The following SCML4 variants were observed in gnomAD, a reference collection of about 807,000 sequenced individuals.
SCML4 encodes Scm polycomb group protein like 4, also known as sex comb on midleg-like protein 4.
In SCML4, 34 loss-of-function variants were observed where a neutral mutation model predicts 41.1. That is an observed-to-expected ratio of 0.83 (90% CI 0.63 to 1.10). The LOEUF (loss-of-function observed/expected upper bound fraction) is 1.10, where lower values mean the gene tolerates loss of function less well. SCML4 is among the 50% of genes least tolerant of loss of function. The pLI is 0.00. For missense variants in SCML4, 522 were observed against 534.1 expected (o/e 0.98, Z 0.22); for synonymous variants, 214 against 220.9 (o/e 0.97, Z 0.28).
At chr6:107,740,471 C>T (rs1248308107) in intron 5 of SCML4, among the ~76,000 whole-genome samples, 2 of 152,222 alleles carry the variant, frequency 1.3e-5, no homozygotes, top group Non-Finnish European at 2.9e-5. Context: ...AAAGATGGCC[C>T]TTGGCTGGCA....
the SCML4 span, among the ~76,000 whole-genome samples, chr6:107,832,813 C>T: frequency 1.3e-3 from 198 of 152,250 alleles, no homozygotes; most frequent in African/African-American, 4.2e-3. Context: ...TAGGGTGCTG[C>T]GCGCCGCACA....
chr6:107,720,558 T>A, intron 6 of SCML4, 145 bp downstream of exon 6: 4 of 1,422,458 alleles, frequency 2.8e-6, no homozygotes, highest in Non-Finnish European at 3.7e-6. Context: ...AACCTCAAGA[T>A]CCATGAAAGG....
At chr6:107,819,946 G>A (rs535178900) in intron 1 of SCML4, among the ~76,000 whole-genome samples, 2 of 152,216 alleles carry the variant, frequency 1.3e-5, no homozygotes, top group South Asian at 4.1e-4. Context: ...ATTCCTTTCT[G>A]TCCTAAAATA....
chr6:107,751,590 CTT>C (rs1562218652), intron 2 of SCML4, among the ~76,000 whole-genome samples: 1 of 128,526 alleles, frequency 7.8e-6, no homozygotes, highest in Non-Finnish European at 1.6e-5. Context: ...TTCTTTCTTT[CTT>C]TCTTTCTTTC....
chr6:107,764,890 G>T (rs764319978), intron 2 of SCML4, among the ~76,000 whole-genome samples: 1 of 151,978 alleles, frequency 6.6e-6, no homozygotes, highest in Non-Finnish European at 1.5e-5. Flanking sequence ...CTTGACTCTC[G>T]TTCTCTCTTA....
intron 2 of SCML4, among the ~76,000 whole-genome samples, chr6:107,762,314 G>C (rs1362537205): frequency 6.6e-6 from 1 of 152,012 alleles, no homozygotes; most frequent in African/African-American, 2.4e-5. Context: ...AGGCAGAAAA[G>C]ACAGGTAAAA....
chr6:107,748,956 A>G (rs945281998), intron 3 of SCML4, among the ~76,000 whole-genome samples: 4 of 152,184 alleles, frequency 2.6e-5, no homozygotes, highest in African/African-American at 9.7e-5. Context: ...AGTCCTGGGG[A>G]CTGAGAGAAG....
chr6:107,726,117 G>A (rs1370284170), intron 5 of SCML4, among the ~76,000 whole-genome samples: 3 of 149,732 alleles, frequency 2.0e-5, no homozygotes, highest in East Asian at 3.9e-4. Flanking sequence ...AAAGTGAAAG[G>A]ACAACTCACA....
chr6:107,800,358 C>T (rs1783025062), intron 1 of SCML4, among the ~76,000 whole-genome samples: 1 of 152,102 alleles, frequency 6.6e-6, no homozygotes, highest in South Asian at 2.1e-4. Flanking sequence ...AATTTGCCTA[C>T]AATTGAGTTG....
upstream of SCML4, among the ~76,000 whole-genome samples, chr6:107,825,951 A>G (rs866500782): frequency 2.7e-5 from 4 of 149,888 alleles, no homozygotes; most frequent in South Asian, 4.2e-4. Flanking sequence ...AAAAAAAAAA[A>G]AAAAAGAAAA....
chr6:107,713,386 C>T (rs1774419150), intron 6 of SCML4, among the ~76,000 whole-genome samples: 1 of 152,178 alleles, frequency 6.6e-6, no homozygotes, highest in Non-Finnish European at 1.5e-5. Context: ...CCCTGCCAGC[C>T]CCTTATGACA....
At chr6:107,755,655 C>G in intron 2 of SCML4, 2 of 1,296,502 alleles carry the variant, frequency 1.5e-6, no homozygotes, top group Non-Finnish European at 2.0e-6. Context: ...TTTGTTGTTG[C>G]CTTAGGTTTC....
chr6:107,760,945 C>G (rs1779533736), intron 2 of SCML4, among the ~76,000 whole-genome samples: 1 of 151,966 alleles, frequency 6.6e-6, no homozygotes, highest in Non-Finnish European at 1.5e-5. Context: ...GTGGGAAACA[C>G]AGTAACTAAA....
At chr6:107,751,572 A>T (rs1053039013) in intron 2 of SCML4, among the ~76,000 whole-genome samples, 2 of 87,670 alleles carry the variant, frequency 2.3e-5, no homozygotes, top group Non-Finnish European at 4.6e-5. Flanking sequence ...CATTTTAACA[A>T]TCTTTCTTTC....
Position 107,755,377 on chromosome 6 carries a change from G to T in SCML4, c.157-5564C>A, listed in dbSNP as rs79036266. On this transcript the variant is annotated intron_variant, in intron 2 of 7. Transcript: ENST00000369020. ...TTCGCTAGATAAAAAATCACGAGTA[G>T]AAATACCCTTTTGACTTAGCATTCA... is the stretch of plus-strand genomic sequence containing the variant. 5.1e-3 allele frequency among the ~76,000 whole-genome samples: 772 copies of T among 152,286 alleles called. 11 individuals carry two copies. In the East Asian group the frequency reaches 0.063, roughly 12 times the overall value.
At chr6:107,721,694 C>T (rs1583406701) in intron 5 of SCML4, among the ~76,000 whole-genome samples, 1 of 152,282 alleles carries the variant, frequency 6.6e-6, no homozygotes, top group East Asian at 1.9e-4. Context: ...AAGCAAGAGT[C>T]ACAATGTCCC....
chr6:107,809,159 T>A (rs1165758674), intron 1 of SCML4, among the ~76,000 whole-genome samples: 1 of 152,182 alleles, frequency 6.6e-6, no homozygotes, highest in Non-Finnish European at 1.5e-5. Flanking sequence ...GGACACTGCA[T>A]TTGTCCCCTC....
At chr6:107,803,463 C>T (rs1314991949) in intron 1 of SCML4, among the ~76,000 whole-genome samples, 49 of 143,504 alleles carry the variant, frequency 3.4e-4, no homozygotes, top group Non-Finnish European at 6.2e-4. Context: ...CCGCCCGGTC[C>T]GGGAGGTGAG....
At chr6:107,843,931 A>AAGAG in the SCML4 span, among the ~76,000 whole-genome samples, 20 of 150,464 alleles carry the variant, frequency 1.3e-4, no homozygotes, top group East Asian at 2.4e-3. Flanking sequence ...CACTGAGAGG[A>AAGAG]AGAGAGAGAG....
Sources: allele counts gnomAD v4.1 joint callset (sites outside exome capture counted in the v4.1 genomes callset), GRCh38; gene constraint gnomAD v4.1.1; transcripts MANE v1.5; gene names NCBI Gene and HGNC (gene_info 2026-07-23, HGNC 2026-07-21).